PM20D2: variants seen among roughly 807,000 people sequenced by gnomAD.
The protein encoded by PM20D2 is xaa-Arg dipeptidase.
In PM20D2, 33 loss-of-function variants were observed where a neutral mutation model predicts 42.9. That is an observed-to-expected ratio of 0.77 (90% CI 0.58 to 1.03). The LOEUF (loss-of-function observed/expected upper bound fraction) is 1.03. PM20D2 is among the 50% of genes least tolerant of loss of function. The probability of loss-of-function intolerance (pLI) is 0.00; values close to 1 mark genes in which losing one functional copy is unlikely to be tolerated. For missense variants in PM20D2, 548 were observed against 557.0 expected (o/e 0.98, Z 0.16); for synonymous variants, 250 against 228.2 (o/e 1.10, Z -0.86).
chr6:89,133,062 A>T, the PM20D2 span, among the ~76,000 whole-genome samples: 1 of 150,102 alleles, frequency 6.7e-6, no homozygotes, highest in Non-Finnish European at 1.5e-5. Context: ...ATTCTACCAA[A>T]GAAATTTTTT....
the PM20D2 span, among the ~76,000 whole-genome samples, chr6:89,116,847 T>C: frequency 1.1e-4 from 16 of 151,938 alleles, no homozygotes; most frequent in Non-Finnish European, 2.1e-4. Flanking sequence ...ATTATAATAC[T>C]CATCTCAGAT....
At chr6:89,141,991 A>ATTTTATTTTG (rs1770330739), upstream of PM20D2, among the ~76,000 whole-genome samples, 2 of 151,532 alleles carry the variant, frequency 1.3e-5, no homozygotes, top group Non-Finnish European at 1.5e-5. Context: ...ATTTTATTTT[A>ATTTTATTTTG]TTTTATTTTT....
At chr6:89,118,023 G>T in the PM20D2 span, 1 of 887,520 alleles carries the variant, frequency 1.1e-6, no homozygotes, top group Non-Finnish European at 1.6e-6. Flanking sequence ...CCCCGCCAGC[G>T]CGCAGCCGCA....
the PM20D2 span, among the ~76,000 whole-genome samples, chr6:89,133,578 G>C: frequency 6.6e-6 from 1 of 150,858 alleles, no homozygotes; most frequent in Admixed American, 6.6e-5. Flanking sequence ...ATCCTCCCTT[G>C]CCTGTAGATA....
At chr6:89,129,588 A>ATTTTT in the PM20D2 span, among the ~76,000 whole-genome samples, 7 of 106,702 alleles carry the variant, frequency 6.6e-5, no homozygotes, top group African/African-American at 2.5e-4. Context: ...TCTGTTTCTA[A>ATTTTT]TTTTTTTTTT....
At chr6:89,118,061 G>A in the PM20D2 span, 1 of 329,924 alleles carries the variant, frequency 3.0e-6, no homozygotes. Context: ...GGCGCAGCGC[G>A]GCGCCAGCCT....
chr6:89,161,732 A>G, intron 5 of PM20D2, 51 bp from the exon 6 acceptor site: 1 of 1,385,280 alleles, frequency 7.2e-7, no homozygotes, highest in Non-Finnish European at 1.0e-6. Context: ...ACTCCAGAAT[A>G]CTTAACCACA....
chr6:89,140,484 T>C, the PM20D2 span, among the ~76,000 whole-genome samples: 2 of 131,332 alleles, frequency 1.5e-5, no homozygotes, highest in African/African-American at 6.6e-5. Context: ...GGTGAACACA[T>C]TGCTTGAGGG....
At chr6:89,109,612 T>C in the PM20D2 span, among the ~76,000 whole-genome samples, 84 of 152,304 alleles carry the variant, frequency 5.5e-4, no homozygotes, top group Non-Finnish European at 8.8e-4. Flanking sequence ...CACAGAGGTC[T>C]GGAGTCTGGA....
At chr6:89,111,194 C>T in the PM20D2 span, among the ~76,000 whole-genome samples, 1 of 151,912 alleles carries the variant, frequency 6.6e-6, no homozygotes, top group African/African-American at 2.4e-5. Context: ...CTGCAGCCTC[C>T]ACTTCCCAGG....
At chr6:89,117,936 C>T in the PM20D2 span, 2 of 1,524,242 alleles carry the variant, frequency 1.3e-6, no homozygotes, top group South Asian at 1.2e-5. Flanking sequence ...GCTGGACTCG[C>T]TCCGTCTCCC....
At chr6:89,142,292 G>A (rs370008712), upstream of PM20D2, among the ~76,000 whole-genome samples, 17 of 152,244 alleles carry the variant, frequency 1.1e-4, no homozygotes, top group African/African-American at 3.9e-4. Context: ...TATCTAGTGC[G>A]TGTTACGTGT....
the PM20D2 span, chr6:89,096,756 C>T: frequency 6.6e-6 from 1 of 152,388 alleles, no homozygotes; most frequent in South Asian, 2.1e-4. Context: ...CCTTGGCCTC[C>T]CAAAGTGCTA....
upstream of PM20D2, among the ~76,000 whole-genome samples, chr6:89,144,300 T>A (rs1770443533): frequency 6.6e-6 from 1 of 152,194 alleles, no homozygotes; most frequent in South Asian, 2.1e-4. Flanking sequence ...TATGCATCCC[T>A]TTTCTGTTGC....
chr6:89,138,773 G>A, the PM20D2 span, among the ~76,000 whole-genome samples: 1 of 152,156 alleles, frequency 6.6e-6, no homozygotes, highest in Admixed American at 6.5e-5. Context: ...GCTGAGGTGG[G>A]AGAATTGCTT....
chr6:89,147,275 G>A (rs1463001353), intron 1 of PM20D2, among the ~76,000 whole-genome samples: 1 of 152,186 alleles, frequency 6.6e-6, no homozygotes, highest in South Asian at 2.1e-4. Context: ...CGTAGGGCAA[G>A]TTTAATCCTG....
chr6:89,124,472 G>A, the PM20D2 span, among the ~76,000 whole-genome samples: 16 of 152,228 alleles, frequency 1.1e-4, no homozygotes, highest in South Asian at 2.1e-4. Flanking sequence ...AAGGTATTTC[G>A]GAGTAGTATG....
At chr6:89,116,029 A>C in the PM20D2 span, among the ~76,000 whole-genome samples, 4 of 152,270 alleles carry the variant, frequency 2.6e-5, no homozygotes, top group Non-Finnish European at 5.9e-5. Flanking sequence ...TACAACTAGT[A>C]AGATATATCA....
chr6:89,120,580 A>T, the PM20D2 span, among the ~76,000 whole-genome samples: 1 of 152,130 alleles, frequency 6.6e-6, no homozygotes, highest in Non-Finnish European at 1.5e-5. Context: ...TTAAAAATAT[A>T]TTGGCCAGGC....
Sources: gnomAD v4.1 joint callset for allele counts (sites outside exome capture counted in the v4.1 genomes callset) on GRCh38, gnomAD v4.1.1 for gene constraint, MANE v1.5 for transcripts, NCBI Gene and HGNC (gene_info 2026-07-23, HGNC 2026-07-21) for gene names.